The following TRIM71 variants were observed in gnomAD, a reference collection of about 807,000 sequenced individuals.
TRIM71 encodes E3 ubiquitin-protein ligase TRIM71.
TRIM71 carries 9 observed loss-of-function variants against 61.2 expected under a neutral mutation model. The observed-to-expected ratio is 0.15, with a 90% confidence interval of 0.09 to 0.26. TRIM71 has a LOEUF of 0.26. TRIM71 is among the 10% of genes least tolerant of loss of function. The probability of loss-of-function intolerance (pLI) is 1.00; values close to 1 mark genes in which losing one functional copy is unlikely to be tolerated. For missense variants in TRIM71, 998 were observed against 1,238.7 expected, an observed-to-expected ratio of 0.81 and a Z score of 2.92; for synonymous variants, 645 against 553.2, an observed-to-expected ratio of 1.17 and a Z score of -2.33.
intron 1 of TRIM71, among the ~76,000 whole-genome samples, chr3:32,823,779 G>A (rs1696167167): frequency 6.8e-6 from 1 of 146,580 alleles, no homozygotes; most frequent in East Asian, 2.4e-4. Context: ...AAGATACAGG[G>A]AAATCTTCCT....
intron 1 of TRIM71, among the ~76,000 whole-genome samples, chr3:32,829,874 T>C (rs895311111): frequency 5.9e-5 from 9 of 152,102 alleles, no homozygotes; most frequent in African/African-American, 2.2e-4. Flanking sequence ...GTGTAGCTTT[T>C]TGAAATTAAC....
intron 1 of TRIM71, among the ~76,000 whole-genome samples, chr3:32,825,787 C>T (rs1013393128): frequency 6.6e-6 from 1 of 152,164 alleles, no homozygotes; most frequent in African/African-American, 2.4e-5. Context: ...TTCTTCTTGA[C>T]CTTTCAAGCA....
chr3:32,875,941 A>G (rs1177537355), intron 2 of TRIM71, among the ~76,000 whole-genome samples: 1 of 152,226 alleles, frequency 6.6e-6, no homozygotes, highest in East Asian at 1.9e-4. Flanking sequence ...ATTCCCATGC[A>G]TGATACTGAA....
intron 1 of TRIM71, among the ~76,000 whole-genome samples, chr3:32,846,549 TAAC>T (rs1157296320): frequency 6.6e-6 from 1 of 152,198 alleles, no homozygotes; most frequent in Non-Finnish European, 1.5e-5. Flanking sequence ...AATACATCAT[TAAC>T]AACTGTGGTC....
At chr3:32,843,779 C>T (rs1696438319) in intron 1 of TRIM71, among the ~76,000 whole-genome samples, 1 of 152,194 alleles carries the variant, frequency 6.6e-6, no homozygotes, top group Non-Finnish European at 1.5e-5. Flanking sequence ...GAGGGAACCT[C>T]CCTGAGCTCC....
chr3:32,873,715 A>C (rs1213253455), intron 1 of TRIM71, 103 bp from the exon 2 acceptor site: 11 of 1,115,598 alleles, frequency 9.9e-6, no homozygotes, highest in Non-Finnish European at 1.3e-5. Flanking sequence ...TCATTGGGGA[A>C]GCTGGTCGTT....
intron 2 of TRIM71, among the ~76,000 whole-genome samples, chr3:32,874,225 T>TACCA (rs1553646471): frequency 6.6e-6 from 1 of 152,024 alleles, no homozygotes; most frequent in Non-Finnish European, 1.5e-5. Flanking sequence ...GGCCCCAACA[T>TACCA]ACCACCTGCA....
chr3:32,818,635 C>A lies in TRIM71; in HGVS notation c.555C>A (p.Ala185=), dbSNP rs748233861. 6.8e-7 allele frequency: 1 copy of A among 1,462,936 alleles called. No individual in the cohort carries two copies. The highest frequency in any genetic ancestry group is 1.3e-5 in the South Asian group (1 of 75,694). 90.6% of individuals were successfully genotyped at this position (1,462,936 alleles called of 1,614,324 possible). ...CCCGCTCGGCACCCGGCGGCCCTGC[C>A]GCTTCCCCGTCGGCGCTGCTGCTCC... ...APSRSAPGGP[A]ASPSALLLRR... The change falls in exon 1 of 4, where the codon GCC becomes GCA. Residue 185 remains alanine, a synonymous_variant. Coordinates refer to ENST00000383763, the MANE Select transcript of TRIM71 (RefSeq NM_001039111.3).
chr3:32,840,235 C>T (rs1177625580), intron 1 of TRIM71, among the ~76,000 whole-genome samples: 1 of 151,990 alleles, frequency 6.6e-6, no homozygotes, highest in Non-Finnish European at 1.5e-5. Flanking sequence ...ACCCCCCTTC[C>T]CTTCCAAAGG....
intron 2 of TRIM71, among the ~76,000 whole-genome samples, chr3:32,874,367 T>A (rs7612206): frequency 0.32 from 35,161 of 110,328 alleles, 3,713 homozygotes; most frequent in African/African-American, 0.43. Flanking sequence ...CTACTACTAC[T>A]ACAACATATT....
At chr3:32,859,284 A>G (rs1696639436) in intron 1 of TRIM71, among the ~76,000 whole-genome samples, 1 of 152,128 alleles carries the variant, frequency 6.6e-6, no homozygotes, top group South Asian at 2.1e-4. Flanking sequence ...TTTTGGAGAC[A>G]GTGTCTCGCT....
At chr3:32,867,041 C>CAGATGCAGAGA (rs1696745658) in intron 1 of TRIM71, among the ~76,000 whole-genome samples, 1 of 152,158 alleles carries the variant, frequency 6.6e-6, no homozygotes, top group African/African-American at 2.4e-5. Context: ...GCAGAGATAA[C>CAGATGCAGAGA]GGCATCCCTC....
intron 1 of TRIM71, among the ~76,000 whole-genome samples, chr3:32,822,408 A>T (rs1284002573): frequency 1.3e-5 from 2 of 152,148 alleles, no homozygotes; most frequent in Non-Finnish European, 2.9e-5. Context: ...TTCCAACTTG[A>T]TTTGACCCTG....
intron 1 of TRIM71, among the ~76,000 whole-genome samples, chr3:32,850,428 A>C (rs1308327899): frequency 6.6e-6 from 1 of 152,178 alleles, no homozygotes; most frequent in Non-Finnish European, 1.5e-5. Flanking sequence ...TAGTATTTCA[A>C]AGGGATATTG....
chr3:32,866,550 T>C (rs1696738744), intron 1 of TRIM71, among the ~76,000 whole-genome samples: 1 of 152,188 alleles, frequency 6.6e-6, no homozygotes, highest in South Asian at 2.1e-4. Context: ...TTGTGTGTTA[T>C]TAGTAAGAGC....
In TRIM71 at chr3:32,890,318, C is replaced by T; in HGVS notation, c.1156-42C>T. 6.3e-7 allele frequency: 1 copy of T among 1,582,900 alleles called. No homozygotes were observed. The highest frequency in any genetic ancestry group is 8.6e-7 in the Non-Finnish European group (1 of 1,161,032). ...TATGTGGTATTTTCTGTGCTTGGCTCTAAGCCTCTGTGTCTTTCTCCACTC... is the reference window on the plus strand; with the variant it reads ...TATGTGGTATTTTCTGTGCTTGGCTTTAAGCCTCTGTGTCTTTCTCCACTC... On this transcript the variant is annotated intron_variant, in intron 3 of 3. Transcript: ENST00000383763. This position sits in a 1 kb window ranked among gnomAD's most constrained non-coding sequence, Gnocchi z 6.2.
At chr3:32,870,660 T>C (rs533360612) in intron 1 of TRIM71, among the ~76,000 whole-genome samples, 1 of 152,300 alleles carries the variant, frequency 6.6e-6, no homozygotes, top group South Asian at 2.1e-4. Flanking sequence ...TTTTAAAACC[T>C]ACCATTCATG....
chr3:32,860,232 C>G (rs1293804413), intron 1 of TRIM71, among the ~76,000 whole-genome samples: 2 of 150,690 alleles, frequency 1.3e-5, no homozygotes, highest in Admixed American at 6.6e-5. Flanking sequence ...GATCTCTGCT[C>G]ACTGCAACCT....
rs748814316 is a variant in TRIM71 at position 32,890,801 on chromosome 3, G to T, written c.1597G>T (p.Gly533Cys). 1 of 1,614,068 alleles carries T rather than the reference G, an allele frequency of 6.2e-7. No homozygotes were observed. The highest frequency in any genetic ancestry group is 1.3e-5 in the African/African-American group (1 of 74,940). ...GTCGGCTGTGGTCCTGGGCCCTGAT[G>T]GCAACCTGTTTGGTGCAGAGGTGAG... Reference protein sequence around the residue: ...LMSAVVLGPDGNLFGAEVSDQ... With the variant: ...LMSAVVLGPDCNLFGAEVSDQ... The change falls in exon 4 of 4, where the codon GGC becomes TGC. Residue 533 changes from glycine (G) to cysteine (C), a missense_variant. By Grantham distance (159) the Gly-to-Cys change is radical. This residue lies in a region of TRIM71 where 291 missense variants were observed against 431.2 expected (regional missense o/e 0.67). Transcript: ENST00000383763. This position sits in a 1 kb window ranked among gnomAD's most constrained non-coding sequence, Gnocchi z 6.2.
Sources: allele counts gnomAD v4.1 joint callset (sites outside exome capture counted in the v4.1 genomes callset), GRCh38; gene constraint gnomAD v4.1.1; regional missense constraint gnomAD v4.1.1; non-coding constraint Gnocchi (gnomAD v3.1); transcripts MANE v1.5; gene names NCBI Gene and HGNC (gene_info 2026-07-23, HGNC 2026-07-21).